The following SLC25A12 variants were observed in gnomAD, a reference collection of about 807,000 sequenced individuals.
SLC25A12 encodes the protein solute carrier family 25 member 12, also known as electrogenic aspartate/glutamate antiporter SLC25A12, mitochondrial.
A neutral mutation model predicts 83.3 loss-of-function variants in SLC25A12; 32 were observed. That is an observed-to-expected ratio of 0.38 (90% confidence interval 0.29 to 0.52). The LOEUF is 0.52. SLC25A12 is among the 20% of genes least tolerant of loss of function. The pLI is 0.84. For missense variants in SLC25A12, 611 were observed against 835.6 expected (o/e 0.73, Z 3.31); for synonymous variants, 267 against 291.1 (o/e 0.92, Z 0.84).
At chr2:171,868,895 G>A in intron 2 of SLC25A12, 72 bp from the exon 3 acceptor site, 1 of 1,332,994 alleles carries the variant, frequency 7.5e-7, no homozygotes, top group South Asian at 1.2e-5. Flanking sequence ...AATGGTTTGT[G>A]AAAAGGTAAA....
intron 16 of SLC25A12, 26 bp from the exon 17 acceptor site, chr2:171,787,687 G>T (rs540738709): frequency 3.1e-6 from 5 of 1,610,896 alleles, no homozygotes; most frequent in Non-Finnish European, 4.2e-6. Flanking sequence ...AGGGGCAGGG[G>T]AGACTTGAAA....
chr2:171,853,049 G>A (rs1363852289), intron 4 of SLC25A12, among the ~76,000 whole-genome samples: 2 of 152,120 alleles, frequency 1.3e-5, no homozygotes, highest in Admixed American at 1.3e-4. Context: ...TAGAGACTGG[G>A]TATCACTATG....
intron 12 of SLC25A12, 24 bp downstream of exon 12, chr2:171,810,200 A>C (rs149301246): frequency 1.2e-6 from 2 of 1,600,726 alleles, no homozygotes; most frequent in African/African-American, 2.7e-5. Flanking sequence ...CAAATGACAT[A>C]AATTCAGTTA....
chr2:171,868,742 G>A lies in SLC25A12; in HGVS notation c.148C>T (p.Pro50Ser), dbSNP rs773263466. ...VQRYLGLYND[P>S]NSNPKIVQLL... Reference sequence around the variant, plus strand: ...TGCACGATCTTTGGGTTACTATTTGGATCATTATACAGTCCAAGATAGCGC... The same window carrying A: ...TGCACGATCTTTGGGTTACTATTTGAATCATTATACAGTCCAAGATAGCGC... The change falls in exon 3 of 18, where the codon CCA (proline) becomes TCA (serine). Residue 50 changes from proline to serine, a missense_variant. By Grantham distance (74) the Pro-to-Ser change is moderately conservative. Coordinates refer to ENST00000422440, the MANE Select transcript of SLC25A12 (RefSeq NM_003705.5). 6.2e-7 allele frequency: 1 copy of A among 1,613,880 alleles called. No individual in the cohort carries two copies.
chr2:171,785,611 C>A, intron 17 of SLC25A12, 136 bp from the exon 18 acceptor site: 1 of 771,708 alleles, frequency 1.3e-6, no homozygotes. Flanking sequence ...ATCTGTGCTG[C>A]ATGACTAGAA....
At chr2:171,792,809 C>A (rs1055610696) in intron 14 of SLC25A12, among the ~76,000 whole-genome samples, 20 of 152,138 alleles carry the variant, frequency 1.3e-4, no homozygotes, top group African/African-American at 3.9e-4. Flanking sequence ...CTCCAGAGAA[C>A]CCTGTAGCTG....
chr2:171,799,378 T>C (rs1044023690), intron 13 of SLC25A12, among the ~76,000 whole-genome samples: 19 of 152,212 alleles, frequency 1.2e-4, no homozygotes, highest in African/African-American at 3.6e-4. Flanking sequence ...AAAGTTGGAC[T>C]ACACTAATTC....
chr2:171,849,204 A>AATAC (rs201012259), intron 4 of SLC25A12, among the ~76,000 whole-genome samples: 8,109 of 151,904 alleles, frequency 0.053, 552 homozygotes, highest in African/African-American at 0.15. Context: ...TTAATAAATA[A>AATAC]ATACATACAT....
rs868227205 is a variant in SLC25A12, at chr2:171,783,819, T to C, written c.*1455A>G. On this transcript the variant is annotated 3_prime_UTR_variant, in exon 18 of 18. Coordinates refer to ENST00000422440, the MANE Select transcript of SLC25A12 (RefSeq NM_003705.5). ...AACTTGCTTTCAAAGCTAATTCTTT[T>C]GTTCCTGGAGGGCCTCCAGGGAGCC... is the stretch of plus-strand genomic sequence containing the variant. 2.0e-5 allele frequency among the ~76,000 whole-genome samples: 3 copies of C among 152,236 alleles called. No homozygotes were observed. The highest frequency in any genetic ancestry group is 2.1e-4 in the South Asian group (1 of 4,836).
chr2:171,836,021 T>G (rs1684548439), intron 6 of SLC25A12, among the ~76,000 whole-genome samples: 1 of 152,158 alleles, frequency 6.6e-6, no homozygotes, highest in African/African-American at 2.4e-5. Context: ...CCCACTAAGG[T>G]ACTGAGCCCC....
At chr2:171,829,786 A>G (rs1320905189) in intron 8 of SLC25A12, among the ~76,000 whole-genome samples, 5 of 152,196 alleles carry the variant, frequency 3.3e-5, no homozygotes, top group Non-Finnish European at 5.9e-5. Flanking sequence ...ACCCTGTTGG[A>G]AAAGGAATGA....
In SLC25A12 at chr2:171,785,089, C is replaced by A; in HGVS notation, c.*185G>T. ...CACATAAGACTAAAGCTTGAAACAGCGTTGTGGTTTTTTCCCTGGGCAAAT... is the reference window on the plus strand; with the variant it reads ...CACATAAGACTAAAGCTTGAAACAGAGTTGTGGTTTTTTCCCTGGGCAAAT... On this transcript the variant is annotated 3_prime_UTR_variant, in exon 18 of 18. Coordinates refer to ENST00000422440, the MANE Select transcript of SLC25A12 (RefSeq NM_003705.5). The A allele has an allele frequency of 1.6e-6, 1 of 608,758 alleles. No individual in the cohort carries two copies. Among genetic ancestry groups the A allele is most frequent in the Non-Finnish European group, 2.9e-6 (1 of 339,336 alleles). The allele number at this position is 608,758 out of a possible 1,614,324, so 37.7% of individuals were successfully genotyped here.
intron 13 of SLC25A12, among the ~76,000 whole-genome samples, chr2:171,802,285 C>G (rs1055645942): frequency 6.6e-6 from 1 of 152,178 alleles, no homozygotes; most frequent in African/African-American, 2.4e-5. Flanking sequence ...AGGTTACAGT[C>G]ATGAGCCACC....
chr2:171,882,662 G>C (rs564928956), intron 2 of SLC25A12, among the ~76,000 whole-genome samples: 3 of 152,300 alleles, frequency 2.0e-5, no homozygotes, highest in East Asian at 1.9e-4. Flanking sequence ...AAATAGTACT[G>C]ACTAATATTT....
At chr2:171,886,292 G>A (rs1685816369) in intron 2 of SLC25A12, among the ~76,000 whole-genome samples, 1 of 143,920 alleles carries the variant, frequency 6.9e-6, no homozygotes, top group Non-Finnish European at 1.5e-5. Flanking sequence ...GTGCAGTGGT[G>A]CACATGGCTC....
intron 17 of SLC25A12, among the ~76,000 whole-genome samples, chr2:171,786,331 C>A (rs1036869251): frequency 6.9e-6 from 1 of 145,716 alleles, no homozygotes; most frequent in African/African-American, 2.5e-5. Context: ...TTGCAGTGAG[C>A]CGAGATCGTA....
At chr2:171,838,771 A>C (rs1311887627) in intron 5 of SLC25A12, among the ~76,000 whole-genome samples, 1 of 152,194 alleles carries the variant, frequency 6.6e-6, no homozygotes, top group Non-Finnish European at 1.5e-5. Context: ...AGATGAAAAA[A>C]TCATAGAGTA....
intron 13 of SLC25A12, among the ~76,000 whole-genome samples, chr2:171,801,964 A>G (rs1162274482): frequency 6.7e-6 from 1 of 149,328 alleles, no homozygotes; most frequent in Non-Finnish European, 1.5e-5. Context: ...GAAAGACAGA[A>G]ATTTTCTAAT....
intron 5 of SLC25A12, among the ~76,000 whole-genome samples, chr2:171,841,890 T>G (rs1479035660): frequency 6.6e-6 from 1 of 152,174 alleles, no homozygotes. Context: ...GCAGTGAGCT[T>G]ACACAGTCTG....
Sources: allele counts gnomAD v4.1 joint callset (sites outside exome capture counted in the v4.1 genomes callset), GRCh38; gene constraint gnomAD v4.1.1; transcripts MANE v1.5; gene names NCBI Gene and HGNC (gene_info 2026-07-23, HGNC 2026-07-21).